Variants in DCP2 observed in about 807,000 individuals in gnomAD.
DCP2 encodes the protein m7GpppN-mRNA hydrolase.
A neutral mutation model predicts 56.1 loss-of-function variants in DCP2; 30 were observed. The observed-to-expected ratio is 0.53, with a 90% CI of 0.40 to 0.73. The LOEUF (loss-of-function observed/expected upper bound fraction) is 0.73, where lower values mean the gene tolerates loss of function less well. DCP2 is among the 30% of genes least tolerant of loss of function. DCP2 has a pLI of 0.00. For synonymous variants in DCP2, 197 were observed against 163.3 expected (o/e 1.21, Z -1.57); for missense variants, 533 against 502.7 (o/e 1.06, Z -0.58).
chr5:113,000,082 A>AAG (rs1491232997), intron 4 of DCP2, among the ~76,000 whole-genome samples: 1 of 140,478 alleles, frequency 7.1e-6, no homozygotes, highest in Non-Finnish European at 1.6e-5. Context: ...AAAAAAAAAA[A>AAG]GAAGAAGAAA....
chr5:112,983,866 A>G (rs1748124484), intron 1 of DCP2: 1 of 152,270 alleles, frequency 6.6e-6, no homozygotes, highest in Non-Finnish European at 1.5e-5. Flanking sequence ...AATCATTTCC[A>G]ACTTAGAATT....
chr5:112,978,834 GAAGAT>G (rs1161739961), intron 1 of DCP2, among the ~76,000 whole-genome samples: 8 of 152,268 alleles, frequency 5.3e-5, no homozygotes, highest in South Asian at 2.1e-4. Flanking sequence ...GAAAAAAATT[GAAGAT>G]AAGTATTTAG....
At chr5:112,994,543 A>G (rs1748761158) in intron 4 of DCP2, among the ~76,000 whole-genome samples, 1 of 152,194 alleles carries the variant, frequency 6.6e-6, no homozygotes, top group African/African-American at 2.4e-5. Flanking sequence ...TTAGTCTCTG[A>G]ACTTCAATAG....
At chr5:112,989,120 G>C (rs1978429) in intron 2 of DCP2, among the ~76,000 whole-genome samples, 2,743 of 152,276 alleles carry the variant, frequency 0.018, 42 homozygotes, top group Non-Finnish European at 0.025. Flanking sequence ...GAAAAGACAG[G>C]AAAGGAAATG....
At chr5:112,977,044 C>G (rs1016062554) in intron 1 of DCP2, 58 bp downstream of exon 1, 1 of 1,385,200 alleles carries the variant, frequency 7.2e-7, no homozygotes, top group South Asian at 1.5e-5. Context: ...TTCGCGGACC[C>G]CCAGAGGCCT....
At position 112,985,928 on chromosome 5, in the gene DCP2, C is replaced by G. The variant is rs1232138542; in HGVS notation, c.147C>G (p.Phe49Leu). Residue 49 changes from phenylalanine to leucine, a missense_variant, in exon 2 of 11, where the codon TTC (phenylalanine) becomes TTG (leucine). Physicochemically the swap from Phe to Leu is conservative, Grantham distance 22. Transcript: ENST00000389063. ...IELAHWFYLD[F>L]YMQNTPGLPQ... ...TTGCCCATTGGTTTTACTTGGATTT[C>G]TACATGCAGAACACACCAGGATTAC... The G allele has an allele frequency of 2.5e-6, 4 of 1,609,140 alleles. No homozygotes were observed. Among genetic ancestry groups the G allele is most frequent in the Non-Finnish European group, 3.4e-6 (4 of 1,176,206 alleles).
At chr5:112,992,457 G>A (rs1289624036) in intron 3 of DCP2, among the ~76,000 whole-genome samples, 2 of 151,980 alleles carry the variant, frequency 1.3e-5, no homozygotes, top group Non-Finnish European at 2.9e-5. Context: ...AAAAAGTGTC[G>A]CTTAATTGTT....
intron 4 of DCP2, among the ~76,000 whole-genome samples, chr5:112,999,123 GTAACACAAAGA>G (rs1173192139): frequency 6.6e-6 from 1 of 151,998 alleles, no homozygotes; most frequent in Non-Finnish European, 1.5e-5. Context: ...GATACTGTTG[GTAACACAAAGA>G]TAACAGGCTC....
At chr5:112,993,500 C>G (rs897737928) in intron 4 of DCP2, among the ~76,000 whole-genome samples, 2 of 151,908 alleles carry the variant, frequency 1.3e-5, no homozygotes, top group Non-Finnish European at 2.9e-5. Context: ...GTGGTACATT[C>G]CTGTAATCCC....
chr5:112,983,548 A>T (rs1748109152), intron 1 of DCP2, among the ~76,000 whole-genome samples: 1 of 152,162 alleles, frequency 6.6e-6, no homozygotes, highest in South Asian at 2.1e-4. Context: ...TCACAGTAGG[A>T]TTGACTTACG....
intron 2 of DCP2, among the ~76,000 whole-genome samples, chr5:112,987,620 C>CTTTTTTTTTTTTTTTTTTTTT (rs562254738): frequency 4.2e-4 from 29 of 69,732 alleles, no homozygotes; most frequent in Non-Finnish European, 5.1e-4. Context: ...ACCTAGGTGC[C>CTTTTTTTTTTTTTTTTTTTTT]TTTTTTTTTT....
At chr5:113,004,208 T>G in intron 8 of DCP2, 131 bp downstream of exon 8, 1 of 1,048,708 alleles carries the variant, frequency 9.5e-7, no homozygotes, top group Admixed American at 3.0e-5. Context: ...GTATGTTCCT[T>G]ACTTATGATT....
At chr5:112,999,606 C>T (rs1349409206) in intron 4 of DCP2, among the ~76,000 whole-genome samples, 5 of 150,168 alleles carry the variant, frequency 3.3e-5, no homozygotes, top group Non-Finnish European at 7.4e-5. Context: ...GGATTACAGG[C>T]GTGAGCCATC....
chr5:113,019,251 A>G lies in DCP2; in HGVS notation c.*5767A>G, dbSNP rs985564977. On this transcript the variant is annotated 3_prime_UTR_variant, in exon 11 of 11. Transcript: ENST00000389063. ...TATGGATGGCAGCAAATGAAAGTAA[A>G]GGTTCTCAACTGTGAATGAAATTTA... 6.6e-6 allele frequency: 1 copy of G among 152,250 alleles called. No homozygotes were observed. The highest frequency in any genetic ancestry group is 2.4e-5 in the African/African-American group (1 of 41,468). 9.4% of individuals were successfully genotyped at this position (152,250 alleles called of 1,614,324 possible).
intron 1 of DCP2, among the ~76,000 whole-genome samples, chr5:112,978,317 G>A (rs1244493711): frequency 6.6e-6 from 1 of 152,130 alleles, no homozygotes; most frequent in Non-Finnish European, 1.5e-5. Context: ...TACATGTATT[G>A]TTTTATTTAA....
At position 112,987,830 on chromosome 5, in the gene DCP2, C is replaced by T. The variant is rs149607333; in HGVS notation, c.205+1844C>T. The stretch of plus-strand genomic sequence containing the variant: ...TCTCCTTTTTTGAGATAAGGTCTTG[C>T]CTTGTTGCCCAGTCTGGCTTGAATT... On this transcript the variant is annotated intron_variant, in intron 2 of 10. Coordinates refer to ENST00000389063, the MANE Select transcript of DCP2 (RefSeq NM_152624.6). Among the ~76,000 whole-genome samples, 47 of 151,618 alleles carry T rather than the reference C, an allele frequency of 3.1e-4. 1 individual carries two copies. In the East Asian group the frequency reaches 8.7e-3, roughly 28 times the overall value.
At chr5:112,992,449 A>T (rs1410083539) in intron 3 of DCP2, among the ~76,000 whole-genome samples, 1 of 152,190 alleles carries the variant, frequency 6.6e-6, no homozygotes, top group Non-Finnish European at 1.5e-5. Context: ...GTGGTACAAA[A>T]AAGTGTCGCT....
intron 1 of DCP2, among the ~76,000 whole-genome samples, chr5:112,981,875 A>T (rs1489723532): frequency 6.6e-6 from 1 of 152,070 alleles, no homozygotes; most frequent in Non-Finnish European, 1.5e-5. Context: ...GGTTCAAGCG[A>T]TTCTCCTGCC....
chr5:113,009,900 TAATG>T (rs1342198966), intron 9 of DCP2, among the ~76,000 whole-genome samples: 1 of 151,454 alleles, frequency 6.6e-6, no homozygotes, highest in Non-Finnish European at 1.5e-5. Flanking sequence ...TTGAGAAATG[TAATG>T]AATAATCTTT....
Sources: gnomAD v4.1 joint callset for allele counts (sites outside exome capture counted in the v4.1 genomes callset) on GRCh38, gnomAD v4.1.1 for gene constraint, MANE v1.5 for transcripts, NCBI Gene and HGNC (gene_info 2026-07-23, HGNC 2026-07-21) for gene names.